Variants in STPG2 observed in about 807,000 individuals in gnomAD.
STPG2 encodes sperm tail PG-rich repeat containing 2.
In STPG2, 56 loss-of-function variants were observed where a neutral mutation model predicts 54.2. The observed-to-expected ratio is 1.03, with a 90% confidence interval of 0.83 to 1.29. The LOEUF is 1.29. Among genes scored for constraint, STPG2 ranks in the 50% most tolerant of loss-of-function variants. The pLI is 0.00. For synonymous variants in STPG2, 200 were observed against 181.8 expected, an observed-to-expected ratio of 1.10 and a Z score of -0.81; for missense variants, 596 against 544.9, an observed-to-expected ratio of 1.09 and a Z score of -0.93.
chr4:97,662,263 C>T (rs1482567885), intron 10 of STPG2, among the ~76,000 whole-genome samples: 1 of 151,886 alleles, frequency 6.6e-6, no homozygotes, highest in Non-Finnish European at 1.5e-5. Context: ...AAGCAGCCAA[C>T]AAACATGAAA....
chr4:98,127,585 A>G (rs1446587182), intron 3 of STPG2, among the ~76,000 whole-genome samples: 1 of 152,206 alleles, frequency 6.6e-6, no homozygotes, highest in East Asian at 1.9e-4. Flanking sequence ...CCTCACTAGA[A>G]TTACTTCTTC....
chr4:97,444,864 C>T (rs1289289490), intron 4 of STPG2, among the ~76,000 whole-genome samples: 1 of 152,100 alleles, frequency 6.6e-6, no homozygotes, highest in East Asian at 1.9e-4. Flanking sequence ...CCCGTCTCTA[C>T]TAAAAATACA....
chr4:98,024,803 T>C (rs760705967), intron 5 of STPG2, among the ~76,000 whole-genome samples: 2 of 152,190 alleles, frequency 1.3e-5, no homozygotes, highest in Non-Finnish European at 2.9e-5. Flanking sequence ...TACAAGAATA[T>C]CCAGAAGAAA....
intron 8 of STPG2, 38 bp downstream of exon 8, chr4:97,943,859 T>C (rs1733095314): frequency 1.4e-6 from 2 of 1,424,544 alleles, no homozygotes; most frequent in Admixed American, 2.5e-5. Flanking sequence ...CCATGATTTC[T>C]AGATAATGAA....
intron 10 of STPG2, among the ~76,000 whole-genome samples, chr4:97,695,945 C>A (rs1723556887): frequency 6.6e-6 from 1 of 151,998 alleles, no homozygotes; most frequent in Non-Finnish European, 1.5e-5. Flanking sequence ...TCTACAAATT[C>A]AATGCAGTTC....
At chr4:97,889,273 C>T (rs1306367261) in intron 8 of STPG2, among the ~76,000 whole-genome samples, 1 of 152,082 alleles carries the variant, frequency 6.6e-6, no homozygotes, top group Non-Finnish European at 1.5e-5. Flanking sequence ...AGAGGTTTCT[C>T]AAAAAATTAA....
At chr4:97,555,844 G>A (rs1267458800), downstream of STPG2, among the ~76,000 whole-genome samples, 3 of 152,082 alleles carry the variant, frequency 2.0e-5, no homozygotes, top group African/African-American at 2.4e-5. Context: ...ATAAATAGAA[G>A]ACACAAAGAT....
At chr4:97,829,966 G>C (rs2149111172) in intron 9 of STPG2, among the ~76,000 whole-genome samples, 1 of 152,234 alleles carries the variant, frequency 6.6e-6, no homozygotes, top group Middle Eastern at 3.4e-3. Flanking sequence ...TATTATCCAG[G>C]ATAACTTCCC....
chr4:97,836,815 C>T (rs1291758029), intron 9 of STPG2, among the ~76,000 whole-genome samples: 1 of 149,892 alleles, frequency 6.7e-6, no homozygotes, highest in Non-Finnish European at 1.5e-5. Context: ...ATATATTATT[C>T]ATTAATTAAT....
At chr4:97,957,558 A>C (rs936364107) in intron 7 of STPG2, among the ~76,000 whole-genome samples, 4 of 152,136 alleles carry the variant, frequency 2.6e-5, no homozygotes, top group African/African-American at 9.7e-5. Context: ...CAAATACAAG[A>C]AGCTGAAAAA....
intron 5 of STPG2, among the ~76,000 whole-genome samples, chr4:98,010,628 C>T (rs1422258816): frequency 2.0e-5 from 3 of 152,144 alleles, no homozygotes; most frequent in African/African-American, 7.2e-5. Context: ...AATACTCTTA[C>T]ATTTAAAGTA....
chr4:97,520,882 G>T (rs114098917), intron 4 of STPG2, among the ~76,000 whole-genome samples: 3,255 of 151,912 alleles, frequency 0.021, 71 homozygotes, highest in African/African-American at 0.059. Flanking sequence ...GAGTTTGGGG[G>T]TTTTTTTGGT....
chr4:97,651,022 AT>A (rs1011504741), intron 10 of STPG2, among the ~76,000 whole-genome samples: 11 of 152,186 alleles, frequency 7.2e-5, no homozygotes, highest in Admixed American at 4.6e-4. Context: ...AAAAAAAAAA[AT>A]CAGAGCTTAG....
intron 10 of STPG2, among the ~76,000 whole-genome samples, chr4:97,582,964 G>A (rs755167644): frequency 6.6e-5 from 10 of 151,920 alleles, no homozygotes; most frequent in Non-Finnish European, 1.0e-4. Context: ...TTTGCTTATC[G>A]GTAAAACATT....
At chr4:98,090,124 T>C (rs1217751032) in intron 5 of STPG2, among the ~76,000 whole-genome samples, 1 of 152,126 alleles carries the variant, frequency 6.6e-6, no homozygotes, top group African/African-American at 2.4e-5. Flanking sequence ...ATTATTTGCC[T>C]AAGCCAATGT....
intron 5 of STPG2, among the ~76,000 whole-genome samples, chr4:98,040,575 C>A (rs1482302121): frequency 6.6e-6 from 1 of 151,378 alleles, no homozygotes. Flanking sequence ...TGACTAAGGA[C>A]CTTTTCCCTA....
chr4:97,619,389 T>A (rs1733949872), intron 10 of STPG2, among the ~76,000 whole-genome samples: 1 of 152,162 alleles, frequency 6.6e-6, no homozygotes, highest in Admixed American at 6.5e-5. Context: ...AGCTTTATCA[T>A]GGTAACCTGC....
chr4:97,724,036 G>A (rs544701312), intron 9 of STPG2, among the ~76,000 whole-genome samples: 10 of 152,278 alleles, frequency 6.6e-5, no homozygotes, highest in African/African-American at 2.2e-4. Flanking sequence ...CTATTGAGTT[G>A]CAGTGACATC....
chr4:97,800,836 T>G (rs1409162457), intron 9 of STPG2, among the ~76,000 whole-genome samples: 3 of 152,154 alleles, frequency 2.0e-5, no homozygotes, highest in Admixed American at 6.5e-5. Flanking sequence ...CCACCCAGTT[T>G]GAGCTTCCTG....
Sources: allele counts gnomAD v4.1 joint callset (sites outside exome capture counted in the v4.1 genomes callset), GRCh38; gene constraint gnomAD v4.1.1; transcripts MANE v1.5; gene names NCBI Gene and HGNC (gene_info 2026-07-23, HGNC 2026-07-21).